The following ATP2C1 variants were observed in gnomAD, a reference collection of about 807,000 sequenced individuals.
ATP2C1 encodes calcium-transporting ATPase type 2C member 1.
A neutral mutation model predicts 120.5 loss-of-function variants in ATP2C1; 31 were observed. The ratio of observed to expected loss-of-function variants is 0.26; its 90% CI spans 0.19 to 0.35. ATP2C1 has a LOEUF of 0.35. ATP2C1 is among the 10% of genes least tolerant of loss of function. The probability of loss-of-function intolerance (pLI) is 1.00; values close to 1 mark genes in which losing one functional copy is unlikely to be tolerated. For synonymous variants in ATP2C1, 351 were observed against 358.7 expected (o/e 0.98, Z 0.24); for missense variants, 731 against 1,107.5 (o/e 0.66, Z 4.83).
chr3:130,918,242 T>A (rs1045769386), intron 2 of ATP2C1: 18 of 1,497,356 alleles, frequency 1.2e-5, no homozygotes, highest in African/African-American at 4.1e-5. Flanking sequence ...ACAAGAGCCC[T>A]CTCCTTGGCC....
rs1202167228 is a variant in ATP2C1, at chr3:130,918,918, G to A, written c.7-11498G>A. ...GAGGCAGGAGAATGGCGTGAACCCG[G>A]GAGGCGGAGCTTACCGTGAGCCTAG... On this transcript the variant is annotated intron_variant, in intron 2 of 27. Transcript: ENST00000510168. 2.1e-5 allele frequency: 7 copies of A among 327,116 alleles called. No homozygotes were observed. In the East Asian group the frequency reaches 2.4e-4, roughly 11 times the overall value. 20.3% of individuals were successfully genotyped at this position (327,116 alleles called of 1,614,324 possible).
chr3:130,985,739 A>G (rs1459296830), intron 20 of ATP2C1, among the ~76,000 whole-genome samples: 1 of 152,020 alleles, frequency 6.6e-6, no homozygotes, highest in Non-Finnish European at 1.5e-5. Flanking sequence ...ACAGAGATAA[A>G]TGATGGACAG....
At chr3:131,014,163 C>A in intron 26 of ATP2C1, 1 of 1,613,962 alleles carries the variant, frequency 6.2e-7, no homozygotes, top group South Asian at 1.1e-5. Context: ...AGTGGTTCTC[C>A]CTCTGTTCTT....
intron 1 of ATP2C1, among the ~76,000 whole-genome samples, chr3:130,870,730 A>G (rs2068402346): frequency 2.0e-5 from 3 of 152,342 alleles, no homozygotes; most frequent in South Asian, 4.1e-4. Context: ...CTGGGTAGAT[A>G]TGCTGTGAAC....
intron 16 of ATP2C1, among the ~76,000 whole-genome samples, chr3:130,968,922 T>G (rs182980342): frequency 1.3e-5 from 2 of 152,188 alleles, no homozygotes; most frequent in African/African-American, 4.8e-5. Context: ...AGTGAGAGAT[T>G]TAATCTAAAA....
chr3:130,917,052 C>G (rs562788235), intron 2 of ATP2C1, among the ~76,000 whole-genome samples: 3 of 152,290 alleles, frequency 2.0e-5, no homozygotes, highest in African/African-American at 7.2e-5. Context: ...AGTAGACATT[C>G]AGTAGAAACT....
chr3:130,887,504 G>A (rs1325054582), intron 1 of ATP2C1, among the ~76,000 whole-genome samples: 2 of 152,210 alleles, frequency 1.3e-5, no homozygotes, highest in Non-Finnish European at 2.9e-5. Flanking sequence ...TCTACCTGAC[G>A]TTTTATTCTA....
intron 1 of ATP2C1, among the ~76,000 whole-genome samples, chr3:130,879,807 T>C (rs1434731962): frequency 6.6e-6 from 1 of 152,258 alleles, no homozygotes. Flanking sequence ...TTGGCTGTCA[T>C]CAACATCAGT....
intron 5 of ATP2C1, among the ~76,000 whole-genome samples, chr3:130,935,967 C>T (rs977385122): frequency 4.6e-5 from 7 of 152,140 alleles, no homozygotes; most frequent in African/African-American, 7.2e-5. Context: ...GACTCATAGA[C>T]AAACTATGGG....
intron 8 of ATP2C1, among the ~76,000 whole-genome samples, chr3:130,949,247 G>A (rs890046239): frequency 6.6e-6 from 1 of 152,120 alleles, no homozygotes; most frequent in African/African-American, 2.4e-5. Context: ...GAAATTAAAA[G>A]TGCTATTCCA....
At chr3:131,009,649 A>C (rs1388140742) in intron 26 of ATP2C1, among the ~76,000 whole-genome samples, 2 of 152,222 alleles carry the variant, frequency 1.3e-5, no homozygotes, top group Non-Finnish European at 2.9e-5. Flanking sequence ...TAGAATTTTT[A>C]CAGCTGGATG....
intron 12 of ATP2C1, among the ~76,000 whole-genome samples, chr3:130,962,170 G>A (rs1316544272): frequency 6.6e-6 from 1 of 151,974 alleles, no homozygotes; most frequent in Non-Finnish European, 1.5e-5. Flanking sequence ...AATGCTGAAG[G>A]CTGGTATGAA....
intron 26 of ATP2C1, among the ~76,000 whole-genome samples, chr3:130,998,844 CTTG>C (rs1204256743): frequency 6.6e-6 from 1 of 152,048 alleles, no homozygotes; most frequent in African/African-American, 2.4e-5. Context: ...CTTTTCTTCC[CTTG>C]TTGTATCTTA....
downstream of ATP2C1, chr3:131,003,168 C>T: frequency 1.0e-6 from 1 of 980,886 alleles, no homozygotes; most frequent in Non-Finnish European, 1.2e-6. Flanking sequence ...CCAGTGGGGA[C>T]TATTAGCATT....
At chr3:130,958,760 G>A (rs1221812050) in intron 11 of ATP2C1, among the ~76,000 whole-genome samples, 2 of 152,166 alleles carry the variant, frequency 1.3e-5, no homozygotes, top group African/African-American at 2.4e-5. Context: ...AGTTGTAGGT[G>A]CTTAACGTAA....
chr3:130,952,089 A>G (rs926669522), intron 8 of ATP2C1, among the ~76,000 whole-genome samples: 12 of 152,154 alleles, frequency 7.9e-5, no homozygotes, highest in African/African-American at 1.4e-4. Flanking sequence ...CAGGTCTGTC[A>G]GGGCTCTGCA....
rs975084101 is a variant in ATP2C1, at chr3:130,969,349, T to G, written c.1366T>G (p.Ser456Ala). The change falls in exon 17 of 28, where the codon TCT becomes GCT. Residue 456 changes from serine (S) to alanine (A), a missense_variant. Ser to Ala is a moderately conservative substitution (Grantham distance 99). Around this residue, in one of 3 missense-constraint regions of ATP2C1, gnomAD observed 571 missense variants for 845.9 expected, o/e 0.67. Coordinates refer to ENST00000510168, the MANE Select transcript of ATP2C1 (RefSeq NM_001378687.1). ...YIRKAEYPFS[S>A]EQKWMAVKCV... ...CAGAAAAGCTGAATACCCTTTTAGC[T>G]CTGAGCAAAAGTGGATGGCTGTTAA... The G allele has an allele frequency of 6.2e-7, 1 of 1,613,848 alleles. No individual in the cohort carries two copies. Among genetic ancestry groups the G allele is most frequent in the African/African-American group, 1.3e-5 (1 of 74,920 alleles).
rs2669861 is a variant in ATP2C1 at position 130,941,327 on chromosome 3, C to A, written c.423-264C>A. Reference sequence around the variant, plus strand: ...GTCCATGCGCAAGTGTGTGCTAAGCCCTGTTCTGGGTATAGTGATTCACAA... The same window carrying A: ...GTCCATGCGCAAGTGTGTGCTAAGCACTGTTCTGGGTATAGTGATTCACAA... On this transcript the variant is annotated intron_variant, in intron 7 of 27. Coordinates refer to ENST00000510168, the MANE Select transcript of ATP2C1 (RefSeq NM_001378687.1). Among the ~76,000 whole-genome samples the A allele has an allele frequency of 0.16, 24,704 of 151,498 alleles. 2,183 individuals carry two copies. The highest frequency in any genetic ancestry group is 0.24 in the Middle Eastern group (72 of 294).
Position 130,901,121 on chromosome 3 carries a change from C to T in ATP2C1, c.6+6346C>T, listed in dbSNP as rs550938027. ...TGGCACAAATGCCAGAAATAGCATG[C>T]AAACCACTTTGTAGTGGTATGCAAA... On this transcript the variant is annotated intron_variant, in intron 2 of 27. Transcript: ENST00000510168. 2.0e-5 allele frequency among the ~76,000 whole-genome samples: 3 copies of T among 152,266 alleles called. No individual in the cohort carries two copies. In the South Asian group the frequency reaches 6.2e-4, roughly 32 times the overall value.
Sources: gnomAD v4.1 joint callset for allele counts (sites outside exome capture counted in the v4.1 genomes callset) on GRCh38, gnomAD v4.1.1 for gene constraint, gnomAD v4.1.1 regional missense constraint, MANE v1.5 for transcripts, NCBI Gene and HGNC (gene_info 2026-07-23, HGNC 2026-07-21) for gene names.